ZNF594: variants seen among roughly 807,000 people sequenced by gnomAD.
The protein encoded by ZNF594 is zinc finger protein 594, also known as zinc finger protein HZF18.
For synonymous variants in ZNF594, 336 were observed against 309.4 expected (o/e 1.09, Z -0.90); for missense variants, 1,037 against 964.6 (o/e 1.08, Z -0.99).
At chr17:5,175,761 G>GA (rs1439190104), downstream of ZNF594, among the ~76,000 whole-genome samples, 2 of 152,104 alleles carry the variant, frequency 1.3e-5, no homozygotes, top group Non-Finnish European at 2.9e-5. Context: ...CGAGAAACCA[G>GA]AGATGCCCCT....
In ZNF594 at chr17:5,183,812, G is replaced by A. The variant is rs775753914; in HGVS notation, c.445C>T (p.His149Tyr). 8.1e-6 allele frequency: 13 copies of A among 1,614,040 alleles called. No homozygotes were observed. The highest frequency in any genetic ancestry group is 1.1e-5 in the Non-Finnish European group (13 of 1,180,024). Reference sequence around the variant, plus strand: ...CACACATATGGCTTATTTCCTGTATGAATTCTCTGATGTATGATCAGGTTT... The same window carrying A: ...CACACATATGGCTTATTTCCTGTATAAATTCTCTGATGTATGATCAGGTTT... ...SSNLIIHQRIHTGNKPYVCNE... is the reference protein window; with the variant it reads ...SSNLIIHQRIYTGNKPYVCNE... Residue 149 changes from histidine to tyrosine, a missense_variant, in exon 2 of 2, where the codon CAT becomes TAT. Physicochemically the swap from His to Tyr is moderately conservative, Grantham distance 83 (BLOSUM62 2). Transcript: ENST00000575779.
Position 5,184,288 on chromosome 17 carries a change from A to C in ZNF594, c.-20-12T>G. ...CCTGTCTTCAGAATCTGAAATGATA[A>C]GTAGATCATTCTATAATTCCTAAAA... On this transcript the variant is annotated splice_polypyrimidine_tract_variant and intron_variant, in intron 1 of 1. Coordinates refer to ENST00000575779, the MANE Select transcript of ZNF594 (RefSeq NM_032530.2). 1 of 1,585,194 alleles carries C rather than the reference A, an allele frequency of 6.3e-7. No individual in the cohort carries two copies. The highest frequency in any genetic ancestry group is 8.6e-7 in the Non-Finnish European group (1 of 1,167,694).
Position 5,183,110 on chromosome 17 carries a change from T to C in ZNF594, c.1147A>G (p.Arg383Gly), listed in dbSNP as rs1337072327. The C allele has an allele frequency of 1.2e-6, 2 of 1,614,080 alleles. No individual in the cohort carries two copies. The highest frequency in any genetic ancestry group is 1.7e-6 in the Non-Finnish European group (2 of 1,180,042). ...EKAYWCNQCG[R>G]NFQGTSDLIR... ...AGGTCTGAGGTGCCCTGGAAATTCC[T>C]ACCACACTGATTACACCAATAAGCT... The change falls in exon 2 of 2, where the codon AGG becomes GGG. Residue 383 changes from arginine (R) to glycine (G), a missense_variant. By Grantham distance (125) the Arg-to-Gly change is moderately radical (BLOSUM62 -2). Coordinates refer to ENST00000575779, the MANE Select transcript of ZNF594 (RefSeq NM_032530.2).
At position 5,181,492 on chromosome 17, in the gene ZNF594, G is replaced by A. The variant is rs771639835; in HGVS notation, c.*341C>T. 6.4e-5 allele frequency: 104 copies of A among 1,613,736 alleles called. No individual in the cohort carries two copies. Among genetic ancestry groups the A allele is most frequent in the South Asian group, 3.0e-4 (27 of 91,074 alleles). On this transcript the variant is annotated 3_prime_UTR_variant, in exon 2 of 2. Coordinates refer to ENST00000575779, the MANE Select transcript of ZNF594 (RefSeq NM_032530.2). ...CGTTCTTCAAGTTTCTCTCCAGCAT[G>A]CAGTCTCTGATGTTTGAGGAAAGCT...
In ZNF594 at chr17:5,182,166, T is replaced by C; in HGVS notation, c.2091A>G (p.Gln697=). 2.5e-6 allele frequency: 4 copies of C among 1,613,650 alleles called. No individual in the cohort carries two copies. The highest frequency in any genetic ancestry group is 3.4e-6 in the Non-Finnish European group (4 of 1,179,996). ...NAFRRRSLLI[Q]HRRLHSGEKP... ...TCTCACCACTATGAAGTCTCCGATG[T>C]TGAATAAGGAGGGAACGCCGCCTGA... Residue 697 remains glutamine (Q), a synonymous_variant, in exon 2 of 2, where the codon CAA becomes CAG. Coordinates refer to ENST00000575779, the MANE Select transcript of ZNF594 (RefSeq NM_032530.2).
rs1379019177 is a variant in ZNF594 at position 5,180,074 on chromosome 17, T to C, written c.*1759A>G. ...GCAGAAGAGTTAGACTTTTTTTTTT[T>C]TTTGAGATGGAGTTTCGCACTTGTT... is the stretch of plus-strand genomic sequence containing the variant. On this transcript the variant is annotated 3_prime_UTR_variant, in exon 2 of 2. Coordinates refer to ENST00000575779, the MANE Select transcript of ZNF594 (RefSeq NM_032530.2). The C allele has an allele frequency of 2.6e-5, 4 of 151,702 alleles. No individual in the cohort carries two copies. Among genetic ancestry groups the C allele is most frequent in the African/African-American group, 9.7e-5 (4 of 41,318 alleles). The allele number at this position is 151,702 out of a possible 1,614,324, so 9.4% of individuals were successfully genotyped here.
downstream of ZNF594, among the ~76,000 whole-genome samples, chr17:5,179,365 C>T (rs984194513): frequency 6.6e-6 from 1 of 150,798 alleles, no homozygotes. Flanking sequence ...GGCTGGGTCT[C>T]TGGAGCTGCA....
At chr17:5,174,938 C>A (rs1038590072), downstream of ZNF594, 5 of 190,030 alleles carry the variant, frequency 2.6e-5, no homozygotes, top group African/African-American at 1.2e-4. Flanking sequence ...ATGGGGTGTA[C>A]CTGTTTATCT....
At position 5,183,009 on chromosome 17, in the gene ZNF594, G is replaced by C. The variant is rs767588792; in HGVS notation, c.1248C>G (p.Ser416Arg). 3.1e-6 allele frequency: 5 copies of C among 1,613,978 alleles called. No individual in the cohort carries two copies. In the East Asian group the frequency reaches 6.7e-5, roughly 22 times the overall value. The stretch of plus-strand genomic sequence containing the variant: ...TTCTATGATGTCTCAGAAGGTCTGA[G>C]CTCTGATTGAAAGTTTTCCCACATT... The part of the protein sequence containing the change: ...CKECGKTFNQ[S>R]SDLLRHHRIH... The change falls in exon 2 of 2, where the codon AGC becomes AGG. Residue 416 changes from serine to arginine, a missense_variant. Physicochemically the swap from Ser to Arg is moderately radical, Grantham distance 110. Coordinates refer to ENST00000575779, the MANE Select transcript of ZNF594 (RefSeq NM_032530.2).
downstream of ZNF594, among the ~76,000 whole-genome samples, chr17:5,178,648 C>T (rs1184173421): frequency 6.6e-6 from 1 of 151,976 alleles, no homozygotes; most frequent in Non-Finnish European, 1.5e-5. Flanking sequence ...TATGTAAGTA[C>T]GTTAAGTATT....
At chr17:5,177,348 G>T (rs2074314153), downstream of ZNF594, among the ~76,000 whole-genome samples, 1 of 152,164 alleles carries the variant, frequency 6.6e-6, no homozygotes, top group South Asian at 2.1e-4. Flanking sequence ...AAGACACTAG[G>T]AGGGTTCGGT....
chr17:5,180,006 C>A lies in ZNF594; in HGVS notation c.*1827G>T, dbSNP rs1029719636. On this transcript the variant is annotated 3_prime_UTR_variant, in exon 2 of 2. Coordinates refer to ENST00000575779, the MANE Select transcript of ZNF594 (RefSeq NM_032530.2). Reference sequence around the variant, plus strand: ...AAATCCCTGTAAGTATCCTGTTTATCCTTATAAACATTAGCTCTCACTGTA... The same window carrying A: ...AAATCCCTGTAAGTATCCTGTTTATACTTATAAACATTAGCTCTCACTGTA... 1 of 151,614 alleles carries A rather than the reference C, an allele frequency of 6.6e-6. No individual in the cohort carries two copies. The allele number at this position is 151,614 out of a possible 1,614,324, so 9.4% of individuals were successfully genotyped here. A position where few individuals can be genotyped will look rare whatever the true frequency, so the allele number is the denominator to read the frequency against.
At chr17:5,189,409 G>C (rs1162274245) in intron 1 of ZNF594, among the ~76,000 whole-genome samples, 1 of 151,784 alleles carries the variant, frequency 6.6e-6, no homozygotes, top group South Asian at 2.1e-4. Flanking sequence ...CAGCACACAT[G>C]GCTAAGTTTT....
chr17:5,190,578 T>A (rs1450739737), intron 1 of ZNF594, among the ~76,000 whole-genome samples: 2 of 152,202 alleles, frequency 1.3e-5, no homozygotes. Context: ...AAACAAAGAA[T>A]CTATGCCTAG....
At chr17:5,177,130 C>T (rs554573375), downstream of ZNF594, among the ~76,000 whole-genome samples, 43 of 150,360 alleles carry the variant, frequency 2.9e-4, no homozygotes, top group Admixed American at 6.6e-4. Flanking sequence ...AGGGAGGCGG[C>T]GCTTGCAGTG....
Position 5,182,689 on chromosome 17 carries a change from T to G in ZNF594, c.1568A>C (p.Lys523Thr), listed in dbSNP as rs1239637938. ...EKPYECKECG[K>T]LFIWRTAFLK... ...GAAAGCTGTGCGCCAAATGAAGAGC[T>G]TCCCACATTCCTTACATTCATAGGG... The change falls in exon 2 of 2, where the codon AAG (lysine) becomes ACG (threonine). Residue 523 changes from lysine to threonine, a missense_variant. Coordinates refer to ENST00000575779, the MANE Select transcript of ZNF594 (RefSeq NM_032530.2). The G allele has an allele frequency of 1.2e-6, 2 of 1,613,994 alleles. No homozygotes were observed. Among genetic ancestry groups the G allele is most frequent in the East Asian group, 4.5e-5 (2 of 44,828 alleles).
Position 5,183,842 on chromosome 17 carries a change from T to A in ZNF594, c.415A>T (p.Ser139Cys). Residue 139 changes from serine (S) to cysteine (C), a missense_variant, in exon 2 of 2, where the codon AGT becomes TGT. Transcript: ENST00000575779. ...CKECEKTFNRSSNLIIHQRIH... is the reference protein window; with the variant it reads ...CKECEKTFNRCSNLIIHQRIH... ...CTCTGATGTATGATCAGGTTTGAAC[T>A]CCTGTTGAAGGTTTTTTCACATTCC... 1 of 1,613,842 alleles carries A rather than the reference T, an allele frequency of 6.2e-7. No individual in the cohort carries two copies. The highest frequency in any genetic ancestry group is 8.5e-7 in the Non-Finnish European group (1 of 1,179,960).
At chr17:5,185,423 T>A (rs183680778) in intron 1 of ZNF594, among the ~76,000 whole-genome samples, 17 of 152,348 alleles carry the variant, frequency 1.1e-4, no homozygotes, top group African/African-American at 3.6e-4. Flanking sequence ...GCCCCCATGA[T>A]TCAAATTATC....
intron 1 of ZNF594, among the ~76,000 whole-genome samples, chr17:5,187,750 A>G (rs1442920359): frequency 6.6e-6 from 1 of 152,238 alleles, no homozygotes; most frequent in Non-Finnish European, 1.5e-5. Flanking sequence ...ATATAAATAC[A>G]CATAAAACAT....
Sources: gnomAD v4.1 joint callset for allele counts (sites outside exome capture counted in the v4.1 genomes callset) on GRCh38, gnomAD v4.1.1 for gene constraint, MANE v1.5 for transcripts, NCBI Gene and HGNC (gene_info 2026-07-23, HGNC 2026-07-21) for gene names.